The following FOXK1 variants were observed in gnomAD, a reference collection of about 807,000 sequenced individuals.
FOXK1 encodes the protein forkhead box K1, also known as forkhead box protein K1.
Under a neutral mutation model 51.9 loss-of-function variants are expected in FOXK1, and 19 were observed. The observed-to-expected ratio is 0.37, with a 90% confidence interval of 0.26 to 0.54. The LOEUF is 0.54. Ranked by LOEUF, FOXK1 falls within the 20% of genes least tolerant of loss-of-function variation. FOXK1 has a pLI of 0.87. For synonymous variants in FOXK1, 537 were observed against 482.6 expected, an observed-to-expected ratio of 1.11 and a Z score of -1.48; for missense variants, 870 against 1,032.7, an observed-to-expected ratio of 0.84 and a Z score of 2.16.
intron 1 of FOXK1, among the ~76,000 whole-genome samples, chr7:4,698,015 G>A (rs1216242009): frequency 5.3e-5 from 8 of 151,910 alleles, no homozygotes; most frequent in Admixed American, 2.0e-4. Flanking sequence ...AGTAGAGATG[G>A]GGTTTCACCA....
intron 1 of FOXK1, among the ~76,000 whole-genome samples, chr7:4,717,889 G>A (rs1780256540): frequency 6.6e-6 from 1 of 152,198 alleles, no homozygotes; most frequent in Non-Finnish European, 1.5e-5. Flanking sequence ...CTCAGATTGG[G>A]TGATGGTTTT....
At chr7:4,754,407 A>C in intron 2 of FOXK1, 52 bp from the exon 3 acceptor site, 1 of 1,591,076 alleles carries the variant, frequency 6.3e-7, no homozygotes, top group East Asian at 2.2e-5. Flanking sequence ...TGAGCCCCAC[A>C]GGGGCCCCCT....
rs571276941 is a variant in FOXK1 at position 4,770,536 on chromosome 7, T to C, written c.*8072T>C. Reference sequence around the variant, plus strand: ...ACAGAGGGAGACTCTGTCTCAAAAATAATAATCAAATCAAGTATTTTAAGT... The same window carrying C: ...ACAGAGGGAGACTCTGTCTCAAAAACAATAATCAAATCAAGTATTTTAAGT... On this transcript the variant is annotated 3_prime_UTR_variant, in exon 9 of 9. Coordinates refer to ENST00000328914, the MANE Select transcript of FOXK1 (RefSeq NM_001037165.2). 1 of 152,024 alleles carries C rather than the reference T, an allele frequency of 6.6e-6. No homozygotes were observed. The highest frequency in any genetic ancestry group is 2.1e-4 in the South Asian group (1 of 4,800). 9.4% of individuals were successfully genotyped at this position (152,024 alleles called of 1,614,324 possible).
At position 4,770,129 on chromosome 7, in the gene FOXK1, C is replaced by T. The variant is rs1436035610; in HGVS notation, c.*7665C>T. The T allele has an allele frequency of 6.6e-6, 1 of 152,114 alleles. No homozygotes were observed. Among genetic ancestry groups the T allele is most frequent in the Non-Finnish European group, 1.5e-5 (1 of 68,056 alleles). 9.4% of individuals were successfully genotyped at this position (152,114 alleles called of 1,614,324 possible). A position where few individuals can be genotyped will look rare whatever the true frequency, so the allele number is the denominator to read the frequency against. On this transcript the variant is annotated 3_prime_UTR_variant, in exon 9 of 9. Coordinates refer to ENST00000328914, the MANE Select transcript of FOXK1 (RefSeq NM_001037165.2). Reference sequence around the variant, plus strand: ...GAGTTTTTGTTTGTTTGTTTGTTCTCTGCATGAAGTTCACAGGCCTGTATG... The same window carrying T: ...GAGTTTTTGTTTGTTTGTTTGTTCTTTGCATGAAGTTCACAGGCCTGTATG...
At chr7:4,686,940 T>C (rs1390492730) in intron 1 of FOXK1, among the ~76,000 whole-genome samples, 1 of 150,796 alleles carries the variant, frequency 6.6e-6, no homozygotes, top group African/African-American at 2.4e-5. Flanking sequence ...TTCTTTTCTT[T>C]TTTTTTTTTT....
At chr7:4,738,475 C>T (rs545785982) in intron 1 of FOXK1, among the ~76,000 whole-genome samples, 1 of 151,992 alleles carries the variant, frequency 6.6e-6, no homozygotes, top group African/African-American at 2.4e-5. Context: ...GGTGATGGAG[C>T]TTTCTAGTCA....
In FOXK1 at chr7:4,711,312, G is replaced by A. The variant is rs951044490; in HGVS notation, c.560+28444G>A. On this transcript the variant is annotated intron_variant, in intron 1 of 8. Coordinates refer to ENST00000328914, the MANE Select transcript of FOXK1 (RefSeq NM_001037165.2). The surrounding 1 kb of genome is among the most constrained non-coding windows in gnomAD (Gnocchi z 6.3). ...AGCGTCCATGGGATGTATCAGTCAG[G>A]GAGGCTGGGCGCAGTAATAAACACG... 3.3e-5 allele frequency among the ~76,000 whole-genome samples: 5 copies of A among 152,158 alleles called. No individual in the cohort carries two copies. Among genetic ancestry groups the A allele is most frequent in the African/African-American group, 1.2e-4 (5 of 41,428 alleles).
chr7:4,725,055 G>A (rs1223684413), intron 1 of FOXK1, among the ~76,000 whole-genome samples: 1 of 152,220 alleles, frequency 6.6e-6, no homozygotes, highest in African/African-American at 2.4e-5. Context: ...GAGCTCCCCC[G>A]AGGCCATCCA....
chr7:4,724,239 A>G (rs1352694904), intron 1 of FOXK1, among the ~76,000 whole-genome samples: 1 of 152,090 alleles, frequency 6.6e-6, no homozygotes, highest in African/African-American at 2.4e-5. Context: ...TCTGTCACCC[A>G]GGCTGGAGTG....
intron 1 of FOXK1, among the ~76,000 whole-genome samples, chr7:4,710,919 A>G (rs1038087057): frequency 6.6e-6 from 1 of 152,030 alleles, no homozygotes; most frequent in Non-Finnish European, 1.5e-5. Context: ...TCGTCTGTGT[A>G]GTTCCTTCTG....
intron 2 of FOXK1, among the ~76,000 whole-genome samples, chr7:4,742,083 G>C (rs985517229): frequency 6.6e-6 from 1 of 152,256 alleles, no homozygotes; most frequent in African/African-American, 2.4e-5. Flanking sequence ...CGCGTGGTTT[G>C]GTGCCGGAGC....
At chr7:4,702,009 AG>A (rs1350287003) in intron 1 of FOXK1, among the ~76,000 whole-genome samples, 1 of 152,210 alleles carries the variant, frequency 6.6e-6, no homozygotes, top group African/African-American at 2.4e-5. Flanking sequence ...TGGGAGGTTG[AG>A]GCTGCGGTGA....
At chr7:4,728,780 G>A (rs1019031905) in intron 1 of FOXK1, among the ~76,000 whole-genome samples, 1 of 146,844 alleles carries the variant, frequency 6.8e-6, no homozygotes, top group Non-Finnish European at 1.5e-5. Context: ...TTTTTCTTAA[G>A]TCGGGCATGA....
intron 7 of FOXK1, among the ~76,000 whole-genome samples, chr7:4,760,309 A>G (rs2115075950): frequency 6.6e-6 from 1 of 152,324 alleles, no homozygotes; most frequent in South Asian, 2.1e-4. Context: ...TTGACGGGGT[A>G]GACACTGAAC....
Position 4,699,332 on chromosome 7 carries a change from G to C in FOXK1, c.560+16464G>C, listed in dbSNP as rs189048272. Among the ~76,000 whole-genome samples, 718 of 148,158 alleles carry C rather than the reference G, an allele frequency of 4.8e-3. 3 individuals carry two copies. Among genetic ancestry groups the C allele is most frequent in the Non-Finnish European group, 7.8e-3 (522 of 67,178 alleles). ...CAGTCTCACTCTGTCACCCAGGCTG[G>C]AGTGCAGTGACACGACTCGTGGGGT... On this transcript the variant is annotated intron_variant, in intron 1 of 8. Transcript: ENST00000328914.
intron 1 of FOXK1, among the ~76,000 whole-genome samples, chr7:4,691,356 A>G (rs1289520981): frequency 6.6e-6 from 1 of 152,208 alleles, no homozygotes; most frequent in East Asian, 1.9e-4. Flanking sequence ...ATAGACATAC[A>G]GAGAGCCTCC....
intron 1 of FOXK1, among the ~76,000 whole-genome samples, chr7:4,686,338 G>C (rs1400090699): frequency 6.6e-6 from 1 of 152,152 alleles, no homozygotes; most frequent in Non-Finnish European, 1.5e-5. Context: ...CACACTTCCA[G>C]TAGAGCTCCC....
At chr7:4,691,215 G>T (rs1779887140) in intron 1 of FOXK1, among the ~76,000 whole-genome samples, 1 of 152,226 alleles carries the variant, frequency 6.6e-6, no homozygotes, top group Non-Finnish European at 1.5e-5. Flanking sequence ...TTCCTCGGAT[G>T]CTGTGAAGAT....
intron 7 of FOXK1, 98 bp from the exon 8 acceptor site, chr7:4,760,966 C>G (rs1225191601): frequency 1.7e-6 from 2 of 1,147,150 alleles, no homozygotes; most frequent in Non-Finnish European, 2.6e-6. Flanking sequence ...CCAGTGCCGA[C>G]CTCACTTTCC....
Sources: gnomAD v4.1 joint callset for allele counts (sites outside exome capture counted in the v4.1 genomes callset) on GRCh38, gnomAD v4.1.1 for gene constraint, Gnocchi (gnomAD v3.1) non-coding constraint, MANE v1.5 for transcripts, NCBI Gene and HGNC (gene_info 2026-07-23, HGNC 2026-07-21) for gene names.